DGKH: variants seen among roughly 807,000 people sequenced by gnomAD.
The protein encoded by DGKH is DAG kinase eta.
Under a neutral mutation model 159.3 loss-of-function variants are expected in DGKH, and 90 were observed. The ratio of observed to expected loss-of-function variants is 0.57; its 90% CI spans 0.48 to 0.67. DGKH has a LOEUF of 0.67. Ranked by LOEUF, DGKH falls within the 30% of genes least tolerant of loss-of-function variation. The pLI is 0.00. For synonymous variants in DGKH, 536 were observed against 553.8 expected, an observed-to-expected ratio of 0.97 and a Z score of 0.45; for missense variants, 1,181 against 1,506.1, an observed-to-expected ratio of 0.78 and a Z score of 3.57.
At chr13:42,162,789 A>G in intron 7 of DGKH, among the ~76,000 whole-genome samples, 1 of 151,400 alleles carries the variant, frequency 6.6e-6, no homozygotes, top group East Asian at 1.9e-4. Flanking sequence ...GGGCAACAAG[A>G]GTGAAACTCC....
chr13:42,148,790 A>C (rs939511813), intron 3 of DGKH, among the ~76,000 whole-genome samples: 5 of 152,012 alleles, frequency 3.3e-5, no homozygotes, highest in Admixed American at 3.3e-4. Flanking sequence ...TATAATGCCC[A>C]GCCCCTGCCT....
intron 20 of DGKH, among the ~76,000 whole-genome samples, chr13:42,203,498 A>G (rs1009421286): frequency 6.6e-6 from 1 of 152,232 alleles, no homozygotes; most frequent in Admixed American, 6.5e-5. Flanking sequence ...AAGCTCTAAA[A>G]GCTTAAGGGA....
Position 42,235,995 on chromosome 13 carries a change from G to A in DGKH, c.*6807G>A, listed in dbSNP as rs970538730. 1 of 152,038 alleles carries A rather than the reference G, an allele frequency of 6.6e-6. No homozygotes were observed. Among genetic ancestry groups the A allele is most frequent in the Non-Finnish European group, 1.5e-5 (1 of 67,974 alleles). The allele number at this position is 152,038 out of a possible 1,614,324, so 9.4% of individuals were successfully genotyped here. On this transcript the variant is annotated 3_prime_UTR_variant, in exon 30 of 30. Transcript: ENST00000337343. Reference sequence around the variant, plus strand: ...AAACTGCCAAGATGTATTTTAGTTTGCAGGATTTTTGGCAGACAAAATATT... The same window carrying A: ...AAACTGCCAAGATGTATTTTAGTTTACAGGATTTTTGGCAGACAAAATATT...
chr13:42,196,716 A>G (rs929828156), intron 17 of DGKH, among the ~76,000 whole-genome samples: 2 of 152,250 alleles, frequency 1.3e-5, no homozygotes, highest in Non-Finnish European at 2.9e-5. Flanking sequence ...ATGGTTGCAC[A>G]ACTTTGTGTA....
chr13:42,171,960 G>T (rs1278715779), intron 11 of DGKH, among the ~76,000 whole-genome samples: 1 of 151,356 alleles, frequency 6.6e-6, no homozygotes, highest in Non-Finnish European at 1.5e-5. Context: ...CTCCCAAGTA[G>T]CTGGGACTAT....
chr13:42,099,556 G>A (rs954941878), intron 1 of DGKH, among the ~76,000 whole-genome samples: 2 of 152,178 alleles, frequency 1.3e-5, no homozygotes, highest in Admixed American at 6.5e-5. Context: ...TGTGAATGGC[G>A]GGGCTGAGGC....
chr13:42,103,560 G>A (rs1750323440), intron 1 of DGKH, among the ~76,000 whole-genome samples: 1 of 152,122 alleles, frequency 6.6e-6, no homozygotes, highest in Non-Finnish European at 1.5e-5. Flanking sequence ...TCAATTCCAG[G>A]TGTCACATCC....
At chr13:42,200,698 G>A (rs1299545922) in intron 20 of DGKH, among the ~76,000 whole-genome samples, 2 of 152,316 alleles carry the variant, frequency 1.3e-5, no homozygotes. Context: ...ACACTGGAAT[G>A]TGGACTAAAG....
chr13:42,070,668 A>G, intron 1 of DGKH: 1 of 1,612,470 alleles, frequency 6.2e-7, no homozygotes, highest in South Asian at 1.1e-5. Flanking sequence ...CAGAGTGAAT[A>G]TACTTGAGCC....
At chr13:42,151,613 A>ACACACACC (rs1555266645) in intron 3 of DGKH, among the ~76,000 whole-genome samples, 9 of 111,978 alleles carry the variant, frequency 8.0e-5, no homozygotes, top group Admixed American at 1.1e-4. Context: ...ACACACACAC[A>ACACACACC]CCCCATGGAA....
At chr13:42,146,557 T>C (rs1415806984) in intron 3 of DGKH, among the ~76,000 whole-genome samples, 2 of 152,216 alleles carry the variant, frequency 1.3e-5, no homozygotes, top group Admixed American at 6.5e-5. Flanking sequence ...AAATATATCA[T>C]GCAATGGAAT....
intron 1 of DGKH, among the ~76,000 whole-genome samples, chr13:42,117,562 C>T (rs1954987440): frequency 1.3e-5 from 2 of 151,918 alleles, no homozygotes; most frequent in Admixed American, 1.3e-4. Flanking sequence ...TTTTCCTTTT[C>T]TTTTTTTTCT....
chr13:42,209,276 T>C, intron 22 of DGKH, 55 bp from the exon 23 acceptor site: 1 of 1,574,306 alleles, frequency 6.4e-7, no homozygotes, highest in Non-Finnish European at 8.6e-7. Context: ...TCATAAAGAT[T>C]GAGTGTCATT....
At chr13:42,179,074 G>A (rs945655920) in intron 13 of DGKH, among the ~76,000 whole-genome samples, 1 of 152,226 alleles carries the variant, frequency 6.6e-6, no homozygotes, top group African/African-American at 2.4e-5. Flanking sequence ...AAGTACAAAT[G>A]TAGTAACAAT....
At position 42,173,488 on chromosome 13, in the gene DGKH, A is replaced by C. The variant is rs535119774; in HGVS notation, c.1368-572A>C. Among the ~76,000 whole-genome samples the C allele has an allele frequency of 2.5e-3, 379 of 152,250 alleles. 1 individual carries two copies. Among genetic ancestry groups the C allele is most frequent in the African/African-American group, 8.6e-3 (359 of 41,516 alleles). On this transcript the variant is annotated intron_variant, in intron 11 of 29. Coordinates refer to ENST00000337343, the MANE Select transcript of DGKH (RefSeq NM_178009.5). The stretch of plus-strand genomic sequence containing the variant: ...TTATTAATATTTTCCCCCTACTCTC[A>C]TGCTTACATTCATTATTTCTTAATT...
chr13:42,187,178 T>C (rs1956953347), intron 14 of DGKH, 30 bp downstream of exon 14: 2 of 1,566,424 alleles, frequency 1.3e-6, no homozygotes, highest in Admixed American at 1.7e-5. Context: ...GGCATGAGAG[T>C]TGTTTATGGA....
intron 1 of DGKH, among the ~76,000 whole-genome samples, chr13:42,061,102 A>G (rs1223987888): frequency 1.3e-5 from 2 of 152,144 alleles, no homozygotes; most frequent in East Asian, 1.9e-4. Flanking sequence ...TGGCAAATGC[A>G]CTGAGTTTTA....
At chr13:42,160,784 A>C (rs6561040) in intron 7 of DGKH, among the ~76,000 whole-genome samples, 55,283 of 152,100 alleles carry the variant, frequency 0.36, 10,972 homozygotes, top group South Asian at 0.45. Flanking sequence ...GGTGGTTTTG[A>C]GTCTTGTCTT....
chr13:42,116,592 G>T (rs960183752), intron 1 of DGKH, among the ~76,000 whole-genome samples: 5 of 152,152 alleles, frequency 3.3e-5, no homozygotes, highest in South Asian at 2.1e-4. Flanking sequence ...GATAAATCAG[G>T]CAGTGCCTGA....
Sources: gnomAD v4.1 joint callset for allele counts (sites outside exome capture counted in the v4.1 genomes callset) on GRCh38, gnomAD v4.1.1 for gene constraint, MANE v1.5 for transcripts, NCBI Gene and HGNC (gene_info 2026-07-23, HGNC 2026-07-21) for gene names.